Variants in KIF13A observed in about 807,000 individuals in gnomAD.
KIF13A encodes the protein kinesin family member 13A.
Under a neutral mutation model 212.2 loss-of-function variants are expected in KIF13A, and 79 were observed. That is an observed-to-expected ratio of 0.37 (90% CI 0.31 to 0.45). The LOEUF (loss-of-function observed/expected upper bound fraction) is 0.45, where lower values mean the gene tolerates loss of function less well. Ranked by LOEUF, KIF13A falls within the 20% of genes least tolerant of loss-of-function variation. KIF13A has a pLI of 1.00. For synonymous variants in KIF13A, 789 were observed against 808.6 expected, an observed-to-expected ratio of 0.98 and a Z score of 0.41; for missense variants, 1,901 against 2,209.0, an observed-to-expected ratio of 0.86 and a Z score of 2.79.
Position 17,866,826 on chromosome 6 carries a change from CGCATATATATATATATATATATAT to C in KIF13A, c.220+6527_220+6550del, listed in dbSNP as rs1264053053. Among the ~76,000 whole-genome samples, 397 of 122,136 alleles carry C rather than the reference CGCATATATATATATATATATATAT, an allele frequency of 3.3e-3. 7 individuals are homozygous for C. Among genetic ancestry groups the C allele is most frequent in the African/African-American group, 4.6e-3 (134 of 29,442 alleles). 80.1% of individuals were successfully genotyped at this position (122,136 alleles called of 152,430 possible). On this transcript the variant is annotated intron_variant, in intron 4 of 38. Transcript: ENST00000259711. ...AGTAAAGGGGAGAACAAAAAAGCAG[CGCATATATATATATATATATATAT>C]ATATATATATATATATATATATATA...
At chr6:17,845,557 C>T (rs1412084733) in intron 9 of KIF13A, among the ~76,000 whole-genome samples, 1 of 152,212 alleles carries the variant, frequency 6.6e-6, no homozygotes. Context: ...CATTTAGTGA[C>T]TAGCCATTAC....
At chr6:17,970,123 C>T (rs1300099301) in intron 2 of KIF13A, among the ~76,000 whole-genome samples, 2 of 151,684 alleles carry the variant, frequency 1.3e-5, no homozygotes, top group African/African-American at 2.4e-5. Context: ...AGGGTTTCAC[C>T]GTGTTAGCTG....
intron 2 of KIF13A, among the ~76,000 whole-genome samples, chr6:17,985,632 C>CCGGGGGGGGG (rs112580662): frequency 2.6e-4 from 10 of 38,190 alleles, no homozygotes; most frequent in Admixed American, 3.2e-4. Flanking sequence ...ATGCAGTTTG[C>CCGGGGGGGGG]GGGGGGGTGG....
Position 17,808,830 on chromosome 6 carries a change from T to C in KIF13A, c.2101A>G (p.Lys701Glu), listed in dbSNP as rs764265841. ...EANFLAEEMSKLTDYQVTLQI... is the reference protein window; with the variant it reads ...EANFLAEEMSELTDYQVTLQI... ...AGAGTCACTTGGTAATCGGTGAGTT[T>C]GCTCATTTCCTCAGCCAGGAAGTTT... The change falls in exon 18 of 39, where the codon AAA becomes GAA. Residue 701 changes from lysine (K) to glutamate (E), a missense_variant. Physicochemically the swap from Lys to Glu is moderately conservative, Grantham distance 56 (BLOSUM62 1). This residue lies in a region of KIF13A where 534 missense variants were observed against 536.9 expected (regional missense o/e 0.99). Coordinates refer to ENST00000259711, the MANE Select transcript of KIF13A (RefSeq NM_022113.6). The C allele has an allele frequency of 3.1e-6, 5 of 1,613,828 alleles. No homozygotes were observed. In the African/African-American group the frequency reaches 4.0e-5, roughly 13 times the overall value.
intron 2 of KIF13A, among the ~76,000 whole-genome samples, chr6:17,975,762 C>A (rs929537124): frequency 1.3e-5 from 2 of 152,124 alleles, no homozygotes; most frequent in South Asian, 4.1e-4. Flanking sequence ...GATACAGAGT[C>A]CACACAAACG....
chr6:17,927,897 C>G (rs1001669170), intron 2 of KIF13A, among the ~76,000 whole-genome samples: 6 of 152,184 alleles, frequency 3.9e-5, no homozygotes, highest in Non-Finnish European at 5.9e-5. Flanking sequence ...AGCAGCACCC[C>G]CTACACTCCA....
At chr6:17,916,440 G>C (rs919301237) in intron 2 of KIF13A, among the ~76,000 whole-genome samples, 1 of 152,144 alleles carries the variant, frequency 6.6e-6, no homozygotes, top group Non-Finnish European at 1.5e-5. Flanking sequence ...ACCAATCTAA[G>C]GATGGCTAAA....
rs529112595 is a variant in KIF13A, at chr6:17,888,679, G to T, written c.159+9489C>A. 3.1e-3 allele frequency among the ~76,000 whole-genome samples: 474 copies of T among 152,138 alleles called. 1 individual carries two copies. Among genetic ancestry groups the T allele is most frequent in the Admixed American group, 8.0e-3 (122 of 15,284 alleles). ...TCTCTACCAAAAAATACAAAAATTA[G>T]CTGGGCGTGGTGGCACAGGCCTGTA... On this transcript the variant is annotated intron_variant, in intron 3 of 38. Coordinates refer to ENST00000259711, the MANE Select transcript of KIF13A (RefSeq NM_022113.6). This position sits in a 1 kb window ranked among gnomAD's most constrained non-coding sequence, Gnocchi z 4.8.
chr6:17,799,187 C>T lies in KIF13A; in HGVS notation c.2790+79G>A, dbSNP rs1762282144. On this transcript the variant is annotated intron_variant, in intron 22 of 38. Transcript: ENST00000259711. This position sits in a 1 kb window ranked among gnomAD's most constrained non-coding sequence, Gnocchi z 4.4. ...AAACATATTATACTTAAAACAAATG[C>T]TTGTGGGGACAACTGATTGTTGAAC... 2 of 967,916 alleles carry T rather than the reference C, an allele frequency of 2.1e-6. No individual in the cohort carries two copies. Among genetic ancestry groups the T allele is most frequent in the Non-Finnish European group, 2.9e-6 (2 of 699,828 alleles). The allele number at this position is 967,916 out of a possible 1,614,324, so 60.0% of individuals were successfully genotyped here. A position where few individuals can be genotyped will look rare whatever the true frequency, so the allele number is the denominator to read the frequency against.
chr6:17,889,935 G>A (rs113945403), intron 3 of KIF13A, among the ~76,000 whole-genome samples: 9,072 of 152,152 alleles, frequency 0.06, 687 homozygotes, highest in African/African-American at 0.18. Context: ...ACCCGAGGTC[G>A]AGAGTTTGAG....
At chr6:17,956,451 C>T (rs1409338780) in intron 2 of KIF13A, among the ~76,000 whole-genome samples, 1 of 152,192 alleles carries the variant, frequency 6.6e-6, no homozygotes, top group Admixed American at 6.5e-5. Context: ...TTGTGCCTAG[C>T]ACTGCAAAAG....
Position 17,794,169 on chromosome 6 carries a change from G to T in KIF13A, c.3222+80C>A. 1 of 1,124,480 alleles carries T rather than the reference G, an allele frequency of 8.9e-7. No individual in the cohort carries two copies. The highest frequency in any genetic ancestry group is 1.3e-6 in the Non-Finnish European group (1 of 775,022). 69.7% of individuals were successfully genotyped at this position (1,124,480 alleles called of 1,614,324 possible). ...ATCTACGGTTAAGGCAAAGAGTTCT[G>T]TTATATTGGCAAAGAGGTCCCCCTG... On this transcript the variant is annotated intron_variant, in intron 25 of 38. Transcript: ENST00000259711. This position sits in a 1 kb window ranked among gnomAD's most constrained non-coding sequence, Gnocchi z 4.1.
At chr6:17,966,301 T>C (rs1779301447) in intron 2 of KIF13A, among the ~76,000 whole-genome samples, 1 of 152,202 alleles carries the variant, frequency 6.6e-6, no homozygotes, top group Admixed American at 6.5e-5. Context: ...ATTTTATTTT[T>C]ATTTCCATCT....
intron 2 of KIF13A, among the ~76,000 whole-genome samples, chr6:17,910,404 A>G (rs572456326): frequency 5.3e-5 from 8 of 152,332 alleles, no homozygotes; most frequent in Admixed American, 2.0e-4. Flanking sequence ...AAACCAAGGG[A>G]CCAAACAGCT....
At chr6:17,817,256 A>C (rs760227158) in intron 16 of KIF13A, 23 bp from the exon 17 acceptor site, 1 of 1,605,006 alleles carries the variant, frequency 6.2e-7, no homozygotes, top group East Asian at 2.2e-5. Context: ...GAGACAAGGC[A>C]AGGTGTCTTA....
In KIF13A at chr6:17,951,073, A is replaced by T. The variant is rs531460702; in HGVS notation, c.146+35981T>A. On this transcript the variant is annotated intron_variant, in intron 2 of 38. Transcript: ENST00000259711. This position sits in a 1 kb window ranked among gnomAD's most constrained non-coding sequence, Gnocchi z 4.9. ...TAGTACACCTAAGGACACCTAAGGA[A>T]TTGTACTTATTATATATAACACTTT... The T allele has an allele frequency of 1.6e-5, 17 of 1,077,236 alleles. No individual in the cohort carries two copies. The South Asian group carries it at 6.2e-4, about 39-fold the overall frequency. The allele number at this position is 1,077,236 out of a possible 1,614,324, so 66.7% of individuals were successfully genotyped here.
chr6:17,770,725 A>T (rs559994754), intron 38 of KIF13A: 1 of 873,560 alleles, frequency 1.1e-6, no homozygotes, highest in Non-Finnish European at 1.4e-6. Context: ...AGCTAAATGC[A>T]TTAAATGCAT....
At chr6:17,818,740 C>T (rs1431716902) in intron 16 of KIF13A, among the ~76,000 whole-genome samples, 7 of 152,084 alleles carry the variant, frequency 4.6e-5, no homozygotes, top group African/African-American at 1.4e-4. Context: ...ATCTACAACA[C>T]GTAGCTACAA....
At chr6:17,931,733 T>C (rs551064953) in intron 2 of KIF13A, among the ~76,000 whole-genome samples, 6 of 152,104 alleles carry the variant, frequency 3.9e-5, no homozygotes, top group South Asian at 2.1e-4. Context: ...GACTGGACAA[T>C]AGAAGACAGT....
Sources: allele counts gnomAD v4.1 joint callset (sites outside exome capture counted in the v4.1 genomes callset), GRCh38; gene constraint gnomAD v4.1.1; regional missense constraint gnomAD v4.1.1; non-coding constraint Gnocchi (gnomAD v3.1); transcripts MANE v1.5; gene names NCBI Gene and HGNC (gene_info 2026-07-23, HGNC 2026-07-21).